The following SAMD5 variants were observed in gnomAD, a reference collection of about 807,000 sequenced individuals.
SAMD5 encodes the protein sterile alpha motif domain containing 5.
SAMD5 carries 13 observed loss-of-function variants against 11.3 expected under a neutral mutation model. The observed-to-expected ratio is 1.15, with a 90% CI of 0.75 to 1.83. SAMD5 has a LOEUF of 1.83. Ranked by LOEUF, SAMD5 falls within the 40% of genes most tolerant of loss-of-function variation. The pLI, the probability that SAMD5 is intolerant of heterozygous loss-of-function variation, is 0.00. For missense variants in SAMD5, 255 were observed against 239.1 expected, an observed-to-expected ratio of 1.07 and a Z score of -0.44; for synonymous variants, 129 against 111.3, an observed-to-expected ratio of 1.16 and a Z score of -1.00.
intron 1 of SAMD5, among the ~76,000 whole-genome samples, chr6:147,652,616 C>G (rs1790501552): frequency 6.6e-6 from 1 of 152,114 alleles, no homozygotes; most frequent in Non-Finnish European, 1.5e-5. Context: ...CCTTCTGGGG[C>G]TCCTCATCTC....
the SAMD5 span, among the ~76,000 whole-genome samples, chr6:147,896,296 A>T: frequency 1.3e-5 from 2 of 151,894 alleles, no homozygotes; most frequent in Non-Finnish European, 2.9e-5. Flanking sequence ...CATGGAGCTC[A>T]GCATCACTGC....
At chr6:147,515,139 C>T (rs1357077472) in intron 1 of SAMD5, among the ~76,000 whole-genome samples, 1 of 144,276 alleles carries the variant, frequency 6.9e-6, no homozygotes, top group Non-Finnish European at 1.5e-5. Context: ...CCAACTCAAT[C>T]AGTGTCCTCA....
At chr6:147,563,590 C>A (rs1166661019) in intron 1 of SAMD5, among the ~76,000 whole-genome samples, 1 of 152,198 alleles carries the variant, frequency 6.6e-6, no homozygotes, top group Non-Finnish European at 1.5e-5. Flanking sequence ...GGGCACACAG[C>A]AGAGCCATGA....
At chr6:147,915,458 ACTAT>A in the SAMD5 span, among the ~76,000 whole-genome samples, 5 of 152,224 alleles carry the variant, frequency 3.3e-5, no homozygotes, top group Admixed American at 1.3e-4. Context: ...ATACTAGTCC[ACTAT>A]CTACTAGTTG....
intron 1 of SAMD5, among the ~76,000 whole-genome samples, chr6:147,708,423 C>G (rs2128458325): frequency 6.6e-6 from 1 of 152,272 alleles, no homozygotes; most frequent in Admixed American, 6.5e-5. Context: ...TTTAAGCCAC[C>G]CAGTCTGTGG....
the SAMD5 span, among the ~76,000 whole-genome samples, chr6:147,766,932 G>C: frequency 2.6e-5 from 4 of 152,312 alleles, 1 homozygote; most frequent in South Asian, 8.3e-4. Context: ...AGAAAGTAAA[G>C]TTTGTAGAAA....
the SAMD5 span, among the ~76,000 whole-genome samples, chr6:147,761,775 A>G: frequency 6.6e-6 from 1 of 152,058 alleles, no homozygotes; most frequent in African/African-American, 2.4e-5. Flanking sequence ...GTGCAGTGGC[A>G]AGTTCTCGGC....
chr6:147,929,779 G>T, the SAMD5 span, among the ~76,000 whole-genome samples: 1 of 152,064 alleles, frequency 6.6e-6, no homozygotes, highest in Non-Finnish European at 1.5e-5. Context: ...AACATTGGGG[G>T]GGAAAGTACA....
the SAMD5 span, among the ~76,000 whole-genome samples, chr6:147,865,902 A>G: frequency 6.6e-6 from 1 of 152,208 alleles, no homozygotes; most frequent in Non-Finnish European, 1.5e-5. Flanking sequence ...GGAAGAAAAT[A>G]TATTTTCCAA....
At chr6:147,913,145 AAAGC>A in the SAMD5 span, among the ~76,000 whole-genome samples, 1,146 of 152,322 alleles carry the variant, frequency 7.5e-3, 16 homozygotes, top group African/African-American at 0.026. Flanking sequence ...CCTGAAAATG[AAAGC>A]AAATTGAAAC....
the SAMD5 span, among the ~76,000 whole-genome samples, chr6:147,905,071 C>A: frequency 6.6e-6 from 1 of 151,900 alleles, no homozygotes; most frequent in African/African-American, 2.4e-5. Context: ...TATTTTTAGT[C>A]GAGACGGGGT....
chr6:147,923,145 G>C, the SAMD5 span, among the ~76,000 whole-genome samples: 1 of 152,124 alleles, frequency 6.6e-6, no homozygotes, highest in Admixed American at 6.5e-5. Context: ...GGGGCCCACC[G>C]GTGTTGAAAC....
the SAMD5 span, among the ~76,000 whole-genome samples, chr6:147,876,431 G>A: frequency 6.6e-6 from 1 of 152,182 alleles, no homozygotes; most frequent in Non-Finnish European, 1.5e-5. Flanking sequence ...ATGAATTACG[G>A]TCTTCAGGGA....
chr6:147,815,568 T>A, the SAMD5 span, among the ~76,000 whole-genome samples: 1 of 152,150 alleles, frequency 6.6e-6, no homozygotes, highest in African/African-American at 2.4e-5. Context: ...CAGGGACAAG[T>A]GTTCTAGAAA....
At chr6:147,822,703 A>G in the SAMD5 span, among the ~76,000 whole-genome samples, 1 of 152,248 alleles carries the variant, frequency 6.6e-6, no homozygotes, top group Non-Finnish European at 1.5e-5. Context: ...ACCAGCAATT[A>G]TCCCTCTCAT....
At chr6:147,543,449 T>G (rs964378114) in intron 1 of SAMD5, among the ~76,000 whole-genome samples, 1 of 152,214 alleles carries the variant, frequency 6.6e-6, no homozygotes, top group African/African-American at 2.4e-5. Flanking sequence ...ATCAGAGTCT[T>G]CATATTGGTG....
the SAMD5 span, among the ~76,000 whole-genome samples, chr6:147,857,246 T>C: frequency 4.6e-5 from 7 of 151,284 alleles, no homozygotes; most frequent in Non-Finnish European, 7.4e-5. Context: ...CTCATGCCTG[T>C]AATCCCAGCA....
chr6:147,759,485 A>G, the SAMD5 span, among the ~76,000 whole-genome samples: 1 of 152,100 alleles, frequency 6.6e-6, no homozygotes, highest in Admixed American at 6.6e-5. Context: ...TAATGATCTG[A>G]TAGCATTAAT....
At chr6:147,636,146 T>C (rs749462614) in intron 1 of SAMD5, among the ~76,000 whole-genome samples, 18 of 152,166 alleles carry the variant, frequency 1.2e-4, no homozygotes, top group Non-Finnish European at 2.6e-4. Flanking sequence ...AATGTGTCTA[T>C]ACATTATTAG....
Sources: gnomAD v4.1 joint callset for allele counts (sites outside exome capture counted in the v4.1 genomes callset) on GRCh38, gnomAD v4.1.1 for gene constraint, MANE v1.5 for transcripts, NCBI Gene and HGNC (gene_info 2026-07-23, HGNC 2026-07-21) for gene names.